PCDH9: variants seen among roughly 807,000 people sequenced by gnomAD.
PCDH9 encodes protocadherin-9.
Under a neutral mutation model 70.6 loss-of-function variants are expected in PCDH9, and 24 were observed. The observed-to-expected ratio is 0.34, with a 90% CI of 0.25 to 0.48. The LOEUF is 0.48. PCDH9 is among the 20% of genes least tolerant of loss of function. The probability of loss-of-function intolerance (pLI) is 0.99; values close to 1 mark genes in which losing one functional copy is unlikely to be tolerated. For missense variants in PCDH9, 1,281 were observed against 1,503.6 expected (o/e 0.85, Z 2.45); for synonymous variants, 562 against 558.5 (o/e 1.01, Z -0.09).
chr13:66,364,163 A>C (rs1482734044), intron 4 of PCDH9, among the ~76,000 whole-genome samples: 1 of 152,168 alleles, frequency 6.6e-6, no homozygotes, highest in Non-Finnish European at 1.5e-5. Context: ...GTCCAAAAAA[A>C]CAAACAAAAA....
intron 4 of PCDH9, among the ~76,000 whole-genome samples, chr13:66,431,838 G>C (rs1181878370): frequency 6.6e-6 from 1 of 151,862 alleles, no homozygotes; most frequent in Non-Finnish European, 1.5e-5. Flanking sequence ...GATTCATTAG[G>C]GTTTTTATCT....
intron 4 of PCDH9, among the ~76,000 whole-genome samples, chr13:66,310,809 C>T (rs1195418236): frequency 6.6e-6 from 1 of 151,948 alleles, no homozygotes; most frequent in Non-Finnish European, 1.5e-5. Flanking sequence ...CTCCATTTTT[C>T]ATTTTGTTCA....
chr13:66,776,585 A>C lies in PCDH9; in HGVS notation c.3138+126919T>G, dbSNP rs918780971. On this transcript the variant is annotated intron_variant, in intron 3 of 4. Coordinates refer to ENST00000377865, the MANE Select transcript of PCDH9 (RefSeq NM_203487.3). ...TCCAACTTACAAGGGATGTGAAGGAACTCTTCAAGGAGAACTATAAACCAC... is the reference window on the plus strand; with the variant it reads ...TCCAACTTACAAGGGATGTGAAGGACCTCTTCAAGGAGAACTATAAACCAC... 8.5e-5 allele frequency among the ~76,000 whole-genome samples: 13 copies of C among 152,134 alleles called. 1 individual carries two copies. Among genetic ancestry groups the C allele is most frequent in the South Asian group, 4.2e-4 (2 of 4,806 alleles).
intron 2 of PCDH9, among the ~76,000 whole-genome samples, chr13:66,978,750 T>C (rs978278822): frequency 3.3e-5 from 5 of 149,688 alleles, no homozygotes. Context: ...CATATGTAAC[T>C]GTATATAAAT....
At chr13:66,342,071 A>T (rs1362628082) in intron 4 of PCDH9, among the ~76,000 whole-genome samples, 1 of 152,198 alleles carries the variant, frequency 6.6e-6, no homozygotes, top group Non-Finnish European at 1.5e-5. Flanking sequence ...GAGAAACTTG[A>T]CATCATTATT....
At chr13:66,340,509 C>A (rs1956107508) in intron 4 of PCDH9, among the ~76,000 whole-genome samples, 1 of 152,166 alleles carries the variant, frequency 6.6e-6, no homozygotes, top group Non-Finnish European at 1.5e-5. Context: ...TTCAGCTATG[C>A]CCATAGAATG....
intron 3 of PCDH9, among the ~76,000 whole-genome samples, chr13:66,886,803 T>C (rs891941954): frequency 6.6e-6 from 1 of 152,018 alleles, no homozygotes; most frequent in Non-Finnish European, 1.5e-5. Context: ...TTTTTCAAAA[T>C]TATTTAACAT....
At chr13:66,718,835 C>A (rs1466304762) in intron 3 of PCDH9, among the ~76,000 whole-genome samples, 3 of 152,158 alleles carry the variant, frequency 2.0e-5, no homozygotes, top group African/African-American at 7.2e-5. Context: ...TTTTCTTGAG[C>A]AAATTAATTT....
At position 66,721,043 on chromosome 13, in the gene PCDH9, A is replaced by C. The variant is rs528940346; in HGVS notation, c.3139-89632T>G. Among the ~76,000 whole-genome samples, 37 of 152,338 alleles carry C rather than the reference A, an allele frequency of 2.4e-4. 1 individual carries two copies. The South Asian group carries it at 5.0e-3, about 20-fold the overall frequency. ...CGTAAAAAATAATTCATTTATGAAA[A>C]AGCTTCCAAGTGTAATGGGTTATAA... On this transcript the variant is annotated intron_variant, in intron 3 of 4. Transcript: ENST00000377865.
At chr13:66,582,454 A>G (rs2138785138) in intron 4 of PCDH9, among the ~76,000 whole-genome samples, 1 of 151,986 alleles carries the variant, frequency 6.6e-6, no homozygotes, top group Non-Finnish European at 1.5e-5. Flanking sequence ...ACAACATGGC[A>G]AAACCCTTTC....
chr13:66,397,549 A>G (rs1005760068), intron 4 of PCDH9, among the ~76,000 whole-genome samples: 6 of 151,600 alleles, frequency 4.0e-5, no homozygotes, highest in Non-Finnish European at 7.4e-5. Context: ...ATATGTCGAT[A>G]TATATGTGTA....
chr13:67,022,771 T>C (rs2084703340), intron 2 of PCDH9, among the ~76,000 whole-genome samples: 1 of 152,142 alleles, frequency 6.6e-6, no homozygotes, highest in Admixed American at 6.5e-5. Flanking sequence ...TCTCTAAGTT[T>C]ATAAATTGTG....
At chr13:67,038,436 T>A (rs893247742) in intron 2 of PCDH9, among the ~76,000 whole-genome samples, 1 of 152,294 alleles carries the variant, frequency 6.6e-6, no homozygotes, top group South Asian at 2.1e-4. Context: ...CAGTCAAATA[T>A]AAATATGTAT....
At chr13:67,024,391 A>G (rs143696780) in intron 2 of PCDH9, among the ~76,000 whole-genome samples, 196 of 152,262 alleles carry the variant, frequency 1.3e-3, no homozygotes, top group African/African-American at 4.5e-3. Context: ...ACAATGATGT[A>G]CTGGAGTTGT....
At chr13:66,651,657 T>C (rs1161468201) in intron 3 of PCDH9, among the ~76,000 whole-genome samples, 1 of 152,094 alleles carries the variant, frequency 6.6e-6, no homozygotes, top group African/African-American at 2.4e-5. Context: ...TCCAAACTCA[T>C]TCCATGAGGC....
At chr13:66,454,442 T>C (rs1958277178) in intron 4 of PCDH9, among the ~76,000 whole-genome samples, 1 of 152,098 alleles carries the variant, frequency 6.6e-6, no homozygotes, top group Non-Finnish European at 1.5e-5. Context: ...AAAACAGAAA[T>C]AAAATTTCAC....
intron 2 of PCDH9, among the ~76,000 whole-genome samples, chr13:67,152,320 C>T (rs55916560): frequency 6.6e-6 from 1 of 152,290 alleles, no homozygotes; most frequent in Non-Finnish European, 1.5e-5. Flanking sequence ...TTCCAGAAAT[C>T]CACTTGTGCC....
At chr13:66,865,772 T>A (rs561949349) in intron 3 of PCDH9, among the ~76,000 whole-genome samples, 24 of 152,340 alleles carry the variant, frequency 1.6e-4, no homozygotes, top group African/African-American at 4.6e-4. Context: ...TCTTTCAAGT[T>A]ACTTCCAAAG....
intron 3 of PCDH9, among the ~76,000 whole-genome samples, chr13:66,633,718 G>A (rs775992427): frequency 5.3e-5 from 8 of 152,100 alleles, no homozygotes; most frequent in Non-Finnish European, 2.9e-5. Context: ...TTGAATCTTC[G>A]TAAAGCATTT....
Sources: allele counts gnomAD v4.1 joint callset (sites outside exome capture counted in the v4.1 genomes callset), GRCh38; gene constraint gnomAD v4.1.1; transcripts MANE v1.5; gene names NCBI Gene and HGNC (gene_info 2026-07-23, HGNC 2026-07-21).